The following C14orf132 variants were observed in gnomAD, a reference collection of about 807,000 sequenced individuals.
C14orf132 encodes uncharacterized protein C14orf132.
C14orf132 carries 6 observed loss-of-function variants against 5.8 expected under a neutral mutation model. The observed-to-expected ratio is 1.03, with a 90% CI of 0.57 to 2.04. The LOEUF (loss-of-function observed/expected upper bound fraction) is 2.04, where lower values mean the gene tolerates loss of function less well. Ranked by LOEUF, C14orf132 falls within the 30% of genes most tolerant of loss-of-function variation. The pLI is 0.00. For synonymous variants in C14orf132, 51 were observed against 49.8 expected (o/e 1.02, Z -0.10); for missense variants, 125 against 115.8 (o/e 1.08, Z -0.37).
At chr14:96,068,001 GCTCAGCCCATAT>G (rs1887583352) in intron 1 of C14orf132, among the ~76,000 whole-genome samples, 1 of 152,124 alleles carries the variant, frequency 6.6e-6, no homozygotes, top group Admixed American at 6.5e-5. Context: ...CCTGTAACGT[GCTCAGCCCATAT>G]CTGGCATATA....
At chr14:96,042,539 T>C (rs1489343057) in intron 1 of C14orf132, among the ~76,000 whole-genome samples, 1 of 152,242 alleles carries the variant, frequency 6.6e-6, no homozygotes, top group African/African-American at 2.4e-5. Flanking sequence ...TGTTGTTAAA[T>C]GTGATTCCTG....
At chr14:96,064,361 T>TACACACACACACACACACAC (rs755164695) in intron 1 of C14orf132, among the ~76,000 whole-genome samples, 1 of 97,836 alleles carries the variant, frequency 1.0e-5, no homozygotes, top group Non-Finnish European at 1.9e-5. Flanking sequence ...AGGGTGCATA[T>TACACACACACACACACACAC]ATACACACAC....
intron 1 of C14orf132, among the ~76,000 whole-genome samples, chr14:96,057,295 A>G (rs180726509): frequency 6.6e-6 from 1 of 152,318 alleles, no homozygotes; most frequent in East Asian, 1.9e-4. Flanking sequence ...TCCTCACTCC[A>G]GAGGGTGCAG....
intron 1 of C14orf132, among the ~76,000 whole-genome samples, chr14:96,051,784 C>T (rs1054081462): frequency 1.3e-5 from 2 of 152,180 alleles, no homozygotes; most frequent in East Asian, 1.9e-4. Context: ...CAGGGCCAGC[C>T]GTGCAGGCAG....
intron 1 of C14orf132, among the ~76,000 whole-genome samples, chr14:96,056,568 C>T (rs1421936003): frequency 2.0e-5 from 3 of 152,170 alleles, no homozygotes; most frequent in Non-Finnish European, 2.9e-5. Flanking sequence ...TCAGTTTCCT[C>T]TACTGTAAAG....
intron 1 of C14orf132, among the ~76,000 whole-genome samples, chr14:96,049,197 T>C (rs1886923690): frequency 6.6e-6 from 1 of 152,150 alleles, no homozygotes; most frequent in African/African-American, 2.4e-5. Context: ...GCAGATCACC[T>C]GAAGTTTTGG....
rs1886620283 is a variant in C14orf132, at chr14:96,039,416, GC to G, written c.-82del. ...GCGGTCTCCGGACGCTCGCTGCTCA[GC>G]CCGATCCCCGCCAACTGTGCAGGCG... On this transcript the variant is annotated 5_prime_UTR_variant, in exon 1 of 2. Transcript: ENST00000555004. This position sits in a 1 kb window ranked among gnomAD's most constrained non-coding sequence, Gnocchi z 5.3. 1.5e-6 allele frequency: 2 copies of G among 1,372,392 alleles called. No homozygotes were observed. The highest frequency in any genetic ancestry group is 2.5e-5 in the Admixed American group (1 of 39,450). 85.0% of individuals were successfully genotyped at this position (1,372,392 alleles called of 1,614,324 possible).
chr14:96,080,943 A>C (rs947295955), intron 1 of C14orf132, among the ~76,000 whole-genome samples: 5 of 152,204 alleles, frequency 3.3e-5, no homozygotes, highest in African/African-American at 4.8e-5. Flanking sequence ...ACTGCTCTTA[A>C]TTTTAGGAAG....
intron 1 of C14orf132, among the ~76,000 whole-genome samples, chr14:96,061,403 A>G (rs1887353201): frequency 6.6e-6 from 1 of 152,090 alleles, no homozygotes; most frequent in Non-Finnish European, 1.5e-5. Context: ...CGCACCCCTT[A>G]TTTTAGTTCA....
Position 96,089,613 on chromosome 14 carries a change from A to T in C14orf132, c.*2878A>T, listed in dbSNP as rs1240789999. On this transcript the variant is annotated 3_prime_UTR_variant, in exon 2 of 2. Transcript: ENST00000555004. ...CAGCTCTGGCTTCCACAGGTCCCTG[A>T]CTGTCCTCAGAGTGGAACATGCTCA... The T allele has an allele frequency of 6.6e-6, 1 of 152,280 alleles. No individual in the cohort carries two copies. Among genetic ancestry groups the T allele is most frequent in the African/African-American group, 2.4e-5 (1 of 41,414 alleles). 9.4% of individuals were successfully genotyped at this position (152,280 alleles called of 1,614,324 possible). A position where few individuals can be genotyped will look rare whatever the true frequency, so the allele number is the denominator to read the frequency against.
intron 1 of C14orf132, among the ~76,000 whole-genome samples, chr14:96,046,542 TA>T: frequency 6.6e-6 from 1 of 152,362 alleles, no homozygotes; most frequent in South Asian, 2.1e-4. Flanking sequence ...TTGGTTCAGC[TA>T]CATATTGGGG....
At chr14:96,069,501 C>T (rs1195164065) in intron 1 of C14orf132, among the ~76,000 whole-genome samples, 1 of 151,992 alleles carries the variant, frequency 6.6e-6, no homozygotes, top group Non-Finnish European at 1.5e-5. Flanking sequence ...ACACCACCTC[C>T]ACCTCCCTGT....
intron 1 of C14orf132, among the ~76,000 whole-genome samples, chr14:96,085,077 A>C (rs1888140234): frequency 1.3e-5 from 2 of 152,270 alleles, no homozygotes; most frequent in East Asian, 1.9e-4. Context: ...GTGGCACTCA[A>C]CCCTGACACC....
rs569026519 is a variant in C14orf132, at chr14:96,055,748, G to A, written c.27+16221G>A. Among the ~76,000 whole-genome samples the A allele has an allele frequency of 2.6e-5, 4 of 152,324 alleles. No homozygotes were observed. The South Asian group carries it at 8.3e-4, about 32-fold the overall frequency. The stretch of plus-strand genomic sequence containing the variant: ...TGCCTGGTACAGAATAGACCATGGA[G>A]AGGAGGCAGCAGGGCCAAGATCACT... On this transcript the variant is annotated intron_variant, in intron 1 of 1. Coordinates refer to ENST00000555004, the MANE Select transcript of C14orf132 (RefSeq NM_001252507.3).
rs1566823823 is a variant in C14orf132, at chr14:96,049,600, G to GTATATATATACATATA, written c.27+10076_27+10091dup. Reference sequence around the variant, plus strand: ...TATACGTATATATATACATATATACGTATATATATACATATATACGTATAT... The same window carrying GTATATATATACATATA: ...TATACGTATATATATACATATATACGTATATATATACATATATATATATATACATATATACGTATAT... On this transcript the variant is annotated intron_variant, in intron 1 of 1. Transcript: ENST00000555004. Among the ~76,000 whole-genome samples the GTATATATATACATATA allele has an allele frequency of 1.0e-3, 111 of 108,128 alleles. 7 individuals carry two copies. The highest frequency in any genetic ancestry group is 4.0e-3 in the African/African-American group (106 of 26,646). The allele number at this position is 108,128 out of a possible 152,430, so 70.9% of individuals were successfully genotyped here. A position where few individuals can be genotyped will look rare whatever the true frequency, so the allele number is the denominator to read the frequency against.
rs1248174365 is a variant in C14orf132 at position 96,039,971 on chromosome 14, C to T, written c.27+444C>T. On this transcript the variant is annotated intron_variant, in intron 1 of 1. Transcript: ENST00000555004. This position sits in a 1 kb window ranked among gnomAD's most constrained non-coding sequence, Gnocchi z 5.3. ...GAGGCGCCAGTAATCTGTCTCTTGC[C>T]GGTGACCTCGGGCGCCCCCTTTGCC... Among the ~76,000 whole-genome samples, 1 of 152,198 alleles carries T rather than the reference C, an allele frequency of 6.6e-6. No homozygotes were observed. Among genetic ancestry groups the T allele is most frequent in the Non-Finnish European group, 1.5e-5 (1 of 68,026 alleles).
Position 96,039,435 on chromosome 14 carries a change from T to G in C14orf132, c.-66T>G. 6.9e-7 allele frequency: 1 copy of G among 1,447,844 alleles called. No homozygotes were observed. The highest frequency in any genetic ancestry group is 9.1e-7 in the Non-Finnish European group (1 of 1,094,926). The allele number at this position is 1,447,844 out of a possible 1,614,324, so 89.7% of individuals were successfully genotyped here. Reference sequence around the variant, plus strand: ...TGCTCAGCCCGATCCCCGCCAACTGTGCAGGCGGCTGACCCGCAGCGGCAG... The same window carrying G: ...TGCTCAGCCCGATCCCCGCCAACTGGGCAGGCGGCTGACCCGCAGCGGCAG... On this transcript the variant is annotated 5_prime_UTR_variant, in exon 1 of 2. Coordinates refer to ENST00000555004, the MANE Select transcript of C14orf132 (RefSeq NM_001252507.3). This position sits in a 1 kb window ranked among gnomAD's most constrained non-coding sequence, Gnocchi z 5.3.
In C14orf132 at chr14:96,049,642, A is replaced by ATATATG. The variant is rs1313214593; in HGVS notation, c.27+10120_27+10121insGTATAT. ...TACGTATATATATACATATATACGT[A>ATATATG]TATATATATATAGAGAGAGAGAGAG... On this transcript the variant is annotated intron_variant, in intron 1 of 1. Transcript: ENST00000555004. 1.0e-3 allele frequency among the ~76,000 whole-genome samples: 72 copies of ATATATG among 69,194 alleles called. 2 individuals are homozygous for ATATATG. Among genetic ancestry groups the ATATATG allele is most frequent in the Non-Finnish European group, 1.7e-3 (62 of 36,922 alleles). The allele number at this position is 69,194 out of a possible 152,430, so 45.4% of individuals were successfully genotyped here.
chr14:96,078,341 A>G (rs1445180606), intron 1 of C14orf132, among the ~76,000 whole-genome samples: 1 of 152,260 alleles, frequency 6.6e-6, no homozygotes, highest in Non-Finnish European at 1.5e-5. Flanking sequence ...CTGCCAGCTC[A>G]CAGGAGCCTG....
Sources: allele counts gnomAD v4.1 joint callset (sites outside exome capture counted in the v4.1 genomes callset), GRCh38; gene constraint gnomAD v4.1.1; non-coding constraint Gnocchi (gnomAD v3.1); transcripts MANE v1.5; gene names NCBI Gene and HGNC (gene_info 2026-07-23, HGNC 2026-07-21).